Variants in FAT3 observed in about 807,000 individuals in gnomAD.
FAT3 encodes FAT atypical cadherin 3, also known as protocadherin Fat 3.
Under a neutral mutation model 310.2 loss-of-function variants are expected in FAT3, and 95 were observed. The ratio of observed to expected loss-of-function variants is 0.31; its 90% confidence interval spans 0.26 to 0.36. FAT3 has a LOEUF of 0.36. Ranked by LOEUF, FAT3 falls within the 10% of genes least tolerant of loss-of-function variation. FAT3 has a pLI of 1.00. For missense variants in FAT3, 5,408 were observed against 5,715.6 expected, an observed-to-expected ratio of 0.95 and a Z score of 1.74; for synonymous variants, 2,314 against 2,192.9, an observed-to-expected ratio of 1.06 and a Z score of -1.54.
intron 4 of FAT3, among the ~76,000 whole-genome samples, chr11:92,747,418 G>C (rs539268767): frequency 2.7e-4 from 41 of 152,344 alleles, no homozygotes; most frequent in African/African-American, 9.4e-4. Context: ...ACAGAGCAGG[G>C]GGACCCTGGG....
chr11:92,598,741 A>T (rs1307292399), intron 3 of FAT3, among the ~76,000 whole-genome samples: 3 of 152,192 alleles, frequency 2.0e-5, no homozygotes, highest in African/African-American at 7.2e-5. Flanking sequence ...GTTAGTCTGT[A>T]GTTGAGGCCT....
intron 1 of FAT3, among the ~76,000 whole-genome samples, chr11:92,256,515 TAA>T (rs796417081): frequency 1.3e-5 from 2 of 151,702 alleles, no homozygotes; most frequent in Admixed American, 6.6e-5. Context: ...AGGAGATAAA[TAA>T]AAAAGAGATA....
At chr11:92,504,870 A>G (rs1253867929) in intron 2 of FAT3, among the ~76,000 whole-genome samples, 1 of 152,162 alleles carries the variant, frequency 6.6e-6, no homozygotes, top group East Asian at 1.9e-4. Flanking sequence ...AGAATTGTGT[A>G]TTAAATGCCA....
intron 4 of FAT3, among the ~76,000 whole-genome samples, chr11:92,721,645 G>A (rs536625192): frequency 2.0e-5 from 3 of 152,262 alleles, no homozygotes; most frequent in East Asian, 1.9e-4. Flanking sequence ...AGATACAAAT[G>A]TTGTATCCTT....
intron 2 of FAT3, chr11:92,367,208 T>C: frequency 3.1e-6 from 1 of 325,314 alleles, no homozygotes; most frequent in South Asian, 3.1e-5. Flanking sequence ...AGGTTCCACA[T>C]GCTCTCTCTG....
At chr11:92,478,319 C>T (rs1952102208) in intron 2 of FAT3, among the ~76,000 whole-genome samples, 1 of 152,172 alleles carries the variant, frequency 6.6e-6, no homozygotes, top group Admixed American at 6.5e-5. Context: ...ATATTAGAGT[C>T]ATTTTGTTCC....
At chr11:92,378,260 C>G (rs1230138045) in intron 2 of FAT3, among the ~76,000 whole-genome samples, 3 of 152,168 alleles carry the variant, frequency 2.0e-5, no homozygotes, top group African/African-American at 7.2e-5. Flanking sequence ...GTTCTGGTCA[C>G]CTGGCTTGCT....
intron 7 of FAT3, among the ~76,000 whole-genome samples, chr11:92,783,464 C>A (rs1273173893): frequency 7.0e-6 from 1 of 143,658 alleles, no homozygotes; most frequent in South Asian, 2.2e-4. Context: ...AATAAGGCAG[C>A]AAGCCAAATC....
intron 2 of FAT3, among the ~76,000 whole-genome samples, chr11:92,465,578 T>C (rs1006321100): frequency 3.3e-5 from 5 of 152,156 alleles, no homozygotes; most frequent in Non-Finnish European, 7.3e-5. Context: ...TTTTTTCATG[T>C]GTGAAACCAT....
intron 2 of FAT3, among the ~76,000 whole-genome samples, chr11:92,491,419 C>T (rs1952594306): frequency 6.6e-6 from 1 of 151,992 alleles, no homozygotes; most frequent in Non-Finnish European, 1.5e-5. Flanking sequence ...TAATAGTGCT[C>T]AGCTGAGAAA....
chr11:92,448,898 G>T (rs757087173), intron 2 of FAT3, among the ~76,000 whole-genome samples: 9 of 152,194 alleles, frequency 5.9e-5, no homozygotes, highest in Non-Finnish European at 1.0e-4. Flanking sequence ...AAGGCTCACA[G>T]ATGTTGTTAT....
At chr11:92,540,432 C>T (rs1223296770) in intron 3 of FAT3, among the ~76,000 whole-genome samples, 1 of 152,110 alleles carries the variant, frequency 6.6e-6, no homozygotes, top group Non-Finnish European at 1.5e-5. Context: ...ACCATTCTGG[C>T]CCACTTTTAT....
At chr11:92,723,663 C>T (rs187637551) in intron 4 of FAT3, among the ~76,000 whole-genome samples, 7 of 152,322 alleles carry the variant, frequency 4.6e-5, no homozygotes, top group South Asian at 2.1e-4. Context: ...ATTGGACTTA[C>T]AGTTTCACGT....
chr11:92,267,567 A>C (rs373083271), intron 1 of FAT3, among the ~76,000 whole-genome samples: 1 of 148,774 alleles, frequency 6.7e-6, no homozygotes. Flanking sequence ...TGGAAGTATG[A>C]AAAGAAAAAA....
intron 2 of FAT3, among the ~76,000 whole-genome samples, chr11:92,402,555 C>A (rs975455725): frequency 1.3e-5 from 2 of 151,650 alleles, no homozygotes; most frequent in Non-Finnish European, 2.9e-5. Context: ...CATGGTGAAA[C>A]CCTGTCTCCA....
chr11:92,281,422 A>T (rs1421530526), intron 1 of FAT3, among the ~76,000 whole-genome samples: 2 of 152,174 alleles, frequency 1.3e-5, no homozygotes, highest in African/African-American at 4.8e-5. Flanking sequence ...CACACATGCA[A>T]ATGAGTTCAA....
chr11:92,866,607 T>C lies in FAT3; in HGVS notation c.11659-134T>C, dbSNP rs1949252849. ...TGGTTAAAAATCAAACCACAACAGATTTATGAGTAGAGCAAAAGTCATGTC... is the reference window on the plus strand; with the variant it reads ...TGGTTAAAAATCAAACCACAACAGACTTATGAGTAGAGCAAAAGTCATGTC... On this transcript the variant is annotated intron_variant, in intron 21 of 27. Transcript: ENST00000525166. 9 of 759,706 alleles carry C rather than the reference T, an allele frequency of 1.2e-5. No homozygotes were observed. In the South Asian group the frequency reaches 1.5e-4, roughly 13 times the overall value. 47.1% of individuals were successfully genotyped at this position (759,706 alleles called of 1,614,324 possible). A position where few individuals can be genotyped will look rare whatever the true frequency, so the allele number is the denominator to read the frequency against.
chr11:92,824,726 A>C (rs1948060798), intron 13 of FAT3, among the ~76,000 whole-genome samples: 1 of 152,214 alleles, frequency 6.6e-6, no homozygotes, highest in Non-Finnish European at 1.5e-5. Context: ...ACAAAAAAGA[A>C]AACAAGTCAT....
chr11:92,531,012 A>G (rs1272888008), intron 3 of FAT3, among the ~76,000 whole-genome samples: 1 of 152,150 alleles, frequency 6.6e-6, no homozygotes, highest in Non-Finnish European at 1.5e-5. Flanking sequence ...GGGATGGCAG[A>G]GCCCCTCCTA....
Sources: gnomAD v4.1 joint callset for allele counts (sites outside exome capture counted in the v4.1 genomes callset) on GRCh38, gnomAD v4.1.1 for gene constraint, MANE v1.5 for transcripts, NCBI Gene and HGNC (gene_info 2026-07-23, HGNC 2026-07-21) for gene names.